The following DLGAP4 variants were observed in gnomAD, a reference collection of about 807,000 sequenced individuals.
The protein encoded by DLGAP4 is DLG associated protein 4, also known as disks large-associated protein 4.
A neutral mutation model predicts 86.9 loss-of-function variants in DLGAP4; 18 were observed. The ratio of observed to expected loss-of-function variants is 0.21; its 90% CI spans 0.14 to 0.31. DLGAP4 has a LOEUF of 0.31. Among genes scored for constraint, DLGAP4 ranks in the 10% least tolerant of loss-of-function variants. The pLI is 1.00. For missense variants in DLGAP4, 1,085 were observed against 1,362.6 expected (o/e 0.80, Z 3.21); for synonymous variants, 548 against 574.3 (o/e 0.95, Z 0.65).
At chr20:36,499,042 GC>G in intron 8 of DLGAP4, 1 of 567,106 alleles carries the variant, frequency 1.8e-6, no homozygotes. Flanking sequence ...ATCTAGAACT[GC>G]CGTCCAGGGT....
intron 7 of DLGAP4, among the ~76,000 whole-genome samples, chr20:36,458,344 CTTT>C (rs1173496431): frequency 1.1e-5 from 1 of 91,410 alleles, no homozygotes; most frequent in African/African-American, 4.9e-5. Context: ...AACCCCATAT[CTTT>C]TTTTTTTTTT....
intron 10 of DLGAP4, among the ~76,000 whole-genome samples, chr20:36,503,548 C>T (rs538888453): frequency 1.5e-5 from 2 of 129,424 alleles, no homozygotes; most frequent in South Asian, 2.5e-4. Flanking sequence ...AGTGCAGTGG[C>T]GCGATCTTGG....
intron 2 of DLGAP4, among the ~76,000 whole-genome samples, chr20:36,404,218 C>T (rs931952813): frequency 6.6e-6 from 1 of 152,186 alleles, no homozygotes; most frequent in Non-Finnish European, 1.5e-5. Flanking sequence ...GTTTCCCCAT[C>T]TGTACAATGG....
At chr20:36,371,333 C>T (rs748412480) in intron 2 of DLGAP4, among the ~76,000 whole-genome samples, 8 of 152,250 alleles carry the variant, frequency 5.3e-5, no homozygotes, top group Non-Finnish European at 1.2e-4. Flanking sequence ...AGTCCACACC[C>T]TTCCTGGAGC....
At chr20:36,364,714 T>A (rs2030624904) in intron 1 of DLGAP4, among the ~76,000 whole-genome samples, 1 of 152,180 alleles carries the variant, frequency 6.6e-6, no homozygotes, top group African/African-American at 2.4e-5. Flanking sequence ...ATTTCAAAGT[T>A]CATCCATGTT....
At chr20:36,487,952 A>G (rs2035487644) in intron 7 of DLGAP4, among the ~76,000 whole-genome samples, 1 of 152,182 alleles carries the variant, frequency 6.6e-6, no homozygotes. Context: ...CTGTAATCCC[A>G]GCACTTTGGG....
At chr20:36,462,426 C>A (rs1467506788) in intron 7 of DLGAP4, 7 of 1,510,184 alleles carry the variant, frequency 4.6e-6, no homozygotes, top group Non-Finnish European at 6.1e-6. Context: ...CCCCTTTGAG[C>A]CTGCTTCTTT....
chr20:36,310,958 A>G, intron 1 of DLGAP4, among the ~76,000 whole-genome samples: 1 of 152,282 alleles, frequency 6.6e-6, no homozygotes, highest in Middle Eastern at 3.4e-3. Flanking sequence ...TCACATGACT[A>G]GATTTTCTTT....
chr20:36,474,961 G>T (rs558756684), intron 7 of DLGAP4, among the ~76,000 whole-genome samples: 1 of 152,276 alleles, frequency 6.6e-6, no homozygotes, highest in African/African-American at 2.4e-5. Context: ...TTAGTGATGA[G>T]AACCCTAAAG....
chr20:36,469,866 G>A (rs1259552451), intron 7 of DLGAP4, among the ~76,000 whole-genome samples: 1 of 152,106 alleles, frequency 6.6e-6, no homozygotes, highest in Admixed American at 6.5e-5. Flanking sequence ...CTGGGGGAAC[G>A]TTGCCCAAGG....
At chr20:36,517,275 G>A (rs2037099908) in intron 10 of DLGAP4, among the ~76,000 whole-genome samples, 1 of 152,046 alleles carries the variant, frequency 6.6e-6, no homozygotes, top group African/African-American at 2.4e-5. Flanking sequence ...CTACTGGGGA[G>A]GCTGAGGCAT....
At chr20:36,499,185 T>C in intron 8 of DLGAP4, 1 of 1,499,680 alleles carries the variant, frequency 6.7e-7, no homozygotes, top group Non-Finnish European at 9.2e-7. Context: ...TGTGTGTGTG[T>C]GTGTTTTCTT....
At chr20:36,418,207 G>A (rs138285159) in intron 2 of DLGAP4, among the ~76,000 whole-genome samples, 43 of 150,944 alleles carry the variant, frequency 2.8e-4, no homozygotes, top group African/African-American at 1.0e-3. Context: ...TCTGCCTCCC[G>A]GGTTCCAGCA....
chr20:36,383,983 CA>C (rs970619133), intron 2 of DLGAP4, among the ~76,000 whole-genome samples: 8,852 of 64,926 alleles, frequency 0.14, 720 homozygotes, highest in African/African-American at 0.34. Flanking sequence ...GACTCCGTCT[CA>C]AAAAAAAAAA....
intron 10 of DLGAP4, among the ~76,000 whole-genome samples, chr20:36,513,654 A>G (rs1014450880): frequency 6.6e-6 from 1 of 151,250 alleles, no homozygotes; most frequent in African/African-American, 2.4e-5. Flanking sequence ...AAGCTGGGAG[A>G]TGAGTTAGGA....
intron 1 of DLGAP4, among the ~76,000 whole-genome samples, chr20:36,331,378 GC>G (rs1555891543): frequency 6.6e-6 from 1 of 152,232 alleles, no homozygotes; most frequent in African/African-American, 2.4e-5. Flanking sequence ...CTCACCGATG[GC>G]CTTGGAGGGA....
intron 10 of DLGAP4, among the ~76,000 whole-genome samples, chr20:36,515,803 T>TA (rs1294178142): frequency 6.6e-6 from 1 of 152,214 alleles, no homozygotes; most frequent in Non-Finnish European, 1.5e-5. Flanking sequence ...TTACAAACCC[T>TA]ACTAGTTTTG....
At chr20:36,473,785 T>C (rs536870898) in intron 7 of DLGAP4, among the ~76,000 whole-genome samples, 30 of 152,268 alleles carry the variant, frequency 2.0e-4, no homozygotes, top group Admixed American at 4.6e-4. Flanking sequence ...TCTTCTCCTT[T>C]GCACAGTCAC....
chr20:36,320,135 C>CCTCTCCCAGGCCCCCCTCTGTGTCTTT (rs1358616039), intron 1 of DLGAP4, among the ~76,000 whole-genome samples: 1 of 111,826 alleles, frequency 8.9e-6, no homozygotes. Context: ...TCTGTGTCTT[C>CCTCTCCCAGGCCCCCCTCTGTGTCTTT]CTCTCCCAGG....
Sources: gnomAD v4.1 joint callset for allele counts (sites outside exome capture counted in the v4.1 genomes callset) on GRCh38, gnomAD v4.1.1 for gene constraint, MANE v1.5 for transcripts, NCBI Gene and HGNC (gene_info 2026-07-23, HGNC 2026-07-21) for gene names.